ELMO1: variants seen among roughly 807,000 people sequenced by gnomAD.
The protein encoded by ELMO1 is engulfment and cell motility 1, also known as engulfment and cell motility protein 1.
Under a neutral mutation model 98.9 loss-of-function variants are expected in ELMO1, and 26 were observed. The ratio of observed to expected loss-of-function variants is 0.26; its 90% CI spans 0.19 to 0.36. The LOEUF (loss-of-function observed/expected upper bound fraction) is 0.36. Ranked by LOEUF, ELMO1 falls within the 10% of genes least tolerant of loss-of-function variation. The pLI, the probability that ELMO1 is intolerant of heterozygous loss-of-function variation, is 1.00. For missense variants in ELMO1, 627 were observed against 935.2 expected (o/e 0.67, Z 4.30); for synonymous variants, 346 against 346.0 (o/e 1.00, Z 0.00).
intron 14 of ELMO1, among the ~76,000 whole-genome samples, chr7:37,132,768 T>C (rs1584696985): frequency 6.6e-6 from 1 of 152,216 alleles, no homozygotes; most frequent in East Asian, 1.9e-4. Flanking sequence ...TTATTGTTCC[T>C]CCAGTGTCAG....
intron 5 of ELMO1, among the ~76,000 whole-genome samples, chr7:37,265,921 T>C (rs1179237113): frequency 6.6e-6 from 1 of 151,576 alleles, no homozygotes; most frequent in African/African-American, 2.4e-5. Flanking sequence ...GAACAGGACA[T>C]CCTTCCTCAA....
At chr7:37,382,268 A>C (rs1045586478) in intron 1 of ELMO1, among the ~76,000 whole-genome samples, 9 of 152,256 alleles carry the variant, frequency 5.9e-5, no homozygotes, top group African/African-American at 1.9e-4. Flanking sequence ...CATTCAAAAT[A>C]ATTTCAGACA....
At chr7:37,364,190 A>T (rs1186067862) in intron 1 of ELMO1, among the ~76,000 whole-genome samples, 2 of 152,166 alleles carry the variant, frequency 1.3e-5, no homozygotes, top group African/African-American at 4.8e-5. Context: ...TTCAATCCTC[A>T]ATCAGTGTTT....
At chr7:37,115,498 T>C (rs764183817) in intron 14 of ELMO1, among the ~76,000 whole-genome samples, 9 of 152,252 alleles carry the variant, frequency 5.9e-5, no homozygotes, top group South Asian at 2.1e-4. Flanking sequence ...AGAAAAGTTG[T>C]ATAATGGTAT....
chr7:37,010,399 G>A (rs1793463022), intron 16 of ELMO1, among the ~76,000 whole-genome samples: 1 of 152,180 alleles, frequency 6.6e-6, no homozygotes, highest in African/African-American at 2.4e-5. Flanking sequence ...ACAGAATTAA[G>A]GTTATTATCA....
chr7:36,870,617 G>A lies in ELMO1; in HGVS notation c.1823-142C>T. The A allele has an allele frequency of 1.3e-6, 1 of 757,506 alleles. No homozygotes were observed. The highest frequency in any genetic ancestry group is 2.1e-6 in the Non-Finnish European group (1 of 484,238). 46.9% of individuals were successfully genotyped at this position (757,506 alleles called of 1,614,324 possible). A position where few individuals can be genotyped will look rare whatever the true frequency, so the allele number is the denominator to read the frequency against. On this transcript the variant is annotated intron_variant, in intron 19 of 21. Coordinates refer to ENST00000310758, the MANE Select transcript of ELMO1 (RefSeq NM_014800.11). This position sits in a 1 kb window ranked among gnomAD's most constrained non-coding sequence, Gnocchi z 4.4. Reference sequence around the variant, plus strand: ...GCAAAAAGAAGAGTGTTGAAAAGAGGAAGAGAAGCCAGGTAGTGTCCCAGG... The same window carrying A: ...GCAAAAAGAAGAGTGTTGAAAAGAGAAAGAGAAGCCAGGTAGTGTCCCAGG...
chr7:37,117,340 C>T (rs748770141), intron 14 of ELMO1, among the ~76,000 whole-genome samples: 15 of 152,160 alleles, frequency 9.9e-5, no homozygotes, highest in Non-Finnish European at 1.9e-4. Context: ...ATTTCAGACA[C>T]CTCATCCAGC....
intron 16 of ELMO1, among the ~76,000 whole-genome samples, chr7:36,992,748 C>T (rs1322305697): frequency 6.6e-6 from 1 of 152,142 alleles, no homozygotes; most frequent in Non-Finnish European, 1.5e-5. Context: ...AATAATTCTA[C>T]CTTTTGAGAA....
Position 37,188,409 on chromosome 7 carries a change from TACACACACACACACACACAC to T in ELMO1, c.1086+22957_1086+22976del, listed in dbSNP as rs566236838. Among the ~76,000 whole-genome samples the T allele has an allele frequency of 2.0e-3, 232 of 115,858 alleles. 4 individuals carry two copies. Among genetic ancestry groups the T allele is most frequent in the African/African-American group, 8.0e-3 (226 of 28,086 alleles). The allele number at this position is 115,858 out of a possible 152,430, so 76.0% of individuals were successfully genotyped here. A position where few individuals can be genotyped will look rare whatever the true frequency, so the allele number is the denominator to read the frequency against. On this transcript the variant is annotated intron_variant, in intron 13 of 21. Coordinates refer to ENST00000310758, the MANE Select transcript of ELMO1 (RefSeq NM_014800.11). ...TTAACATACAGACTGTGCTTCTTGT[TACACACACACACACACACAC>T]ACACACACACACACACACACACGCA...
chr7:37,410,191 A>G (rs1425658325), intron 1 of ELMO1, among the ~76,000 whole-genome samples: 1 of 152,178 alleles, frequency 6.6e-6, no homozygotes, highest in Non-Finnish European at 1.5e-5. Flanking sequence ...ATTTTATGTA[A>G]TTGACATGAA....
At chr7:37,403,314 T>G (rs1422818127) in intron 1 of ELMO1, among the ~76,000 whole-genome samples, 9 of 151,926 alleles carry the variant, frequency 5.9e-5, no homozygotes, top group Non-Finnish European at 1.3e-4. Context: ...TCCCAACACT[T>G]TGAGAGGGTG....
At chr7:36,973,172 G>A (rs762025784) in intron 16 of ELMO1, among the ~76,000 whole-genome samples, 9 of 152,202 alleles carry the variant, frequency 5.9e-5, no homozygotes, top group Admixed American at 3.3e-4. Flanking sequence ...CACTTGAGTG[G>A]TACAACCCAA....
At chr7:37,292,950 C>CCTCCGGGAGGGAGGTG (rs1797813724) in intron 4 of ELMO1, among the ~76,000 whole-genome samples, 1 of 52,904 alleles carries the variant, frequency 1.9e-5, no homozygotes, top group African/African-American at 5.3e-5. Flanking sequence ...CCAGCCGCCC[C>CCTCCGGGAGGGAGGTG]GTCCGGGAAG....
intron 2 of ELMO1, among the ~76,000 whole-genome samples, chr7:37,335,963 T>C (rs910192742): frequency 3.9e-5 from 6 of 152,130 alleles, no homozygotes; most frequent in Admixed American, 2.0e-4. Flanking sequence ...TGGTGGTTCA[T>C]GGACTGTAAT....
chr7:37,151,689 C>T (rs778168693), intron 13 of ELMO1, among the ~76,000 whole-genome samples: 8 of 152,042 alleles, frequency 5.3e-5, no homozygotes, highest in Non-Finnish European at 1.0e-4. Context: ...ATAATTCCAG[C>T]GGGAATCAGC....
At chr7:36,929,256 C>A (rs1785832337) in intron 16 of ELMO1, among the ~76,000 whole-genome samples, 1 of 152,180 alleles carries the variant, frequency 6.6e-6, no homozygotes, top group Admixed American at 6.5e-5. Flanking sequence ...ACTCTTTCAT[C>A]CACATAGAAG....
chr7:37,166,587 C>T (rs1056808756), intron 13 of ELMO1, among the ~76,000 whole-genome samples: 24 of 152,058 alleles, frequency 1.6e-4, no homozygotes, highest in Non-Finnish European at 2.1e-4. Context: ...GCCTTCATTT[C>T]GTTATGTACC....
intron 2 of ELMO1, among the ~76,000 whole-genome samples, chr7:37,333,355 C>G (rs1800234659): frequency 6.6e-6 from 1 of 152,160 alleles, no homozygotes; most frequent in African/African-American, 2.4e-5. Context: ...GTCATCAAGT[C>G]TTAAGAAAAC....
chr7:36,995,877 C>A (rs570552086), intron 16 of ELMO1, among the ~76,000 whole-genome samples: 1 of 152,178 alleles, frequency 6.6e-6, no homozygotes, highest in South Asian at 2.1e-4. Flanking sequence ...TGGTGAATTT[C>A]CAACATTGAG....
Sources: gnomAD v4.1 joint callset for allele counts (sites outside exome capture counted in the v4.1 genomes callset) on GRCh38, gnomAD v4.1.1 for gene constraint, Gnocchi (gnomAD v3.1) non-coding constraint, MANE v1.5 for transcripts, NCBI Gene and HGNC (gene_info 2026-07-23, HGNC 2026-07-21) for gene names.